Variants in HTR2C observed in about 807,000 individuals in gnomAD.
HTR2C encodes the protein 5-hydroxytryptamine (serotonin) receptor 2C, G protein-coupled.
In HTR2C, 5 loss-of-function variants were observed where a neutral mutation model predicts 21.0. The observed-to-expected ratio is 0.24, with a 90% CI of 0.12 to 0.50. The LOEUF (loss-of-function observed/expected upper bound fraction) is 0.50. Among genes scored for constraint, HTR2C ranks in the 20% least tolerant of loss-of-function variants. The pLI, the probability that HTR2C is intolerant of heterozygous loss-of-function variation, is 0.98. For synonymous variants in HTR2C, 150 were observed against 145.3 expected, an observed-to-expected ratio of 1.03 and a Z score of -0.23; for missense variants, 271 against 371.2, an observed-to-expected ratio of 0.73 and a Z score of 2.22.
intron 2 of HTR2C, among the ~76,000 whole-genome samples, chrX:114,707,670 A>G (rs782535729): frequency 9.0e-6 from 1 of 110,796 alleles, no homozygotes; most frequent in Non-Finnish European, 1.9e-5. Flanking sequence ...TATAAGAAAT[A>G]ATTTCTCCTT....
At chrX:114,884,061 A>C (rs1012507289) in intron 5 of HTR2C, among the ~76,000 whole-genome samples, 2 of 111,345 alleles carry the variant, frequency 1.8e-5, no homozygotes, top group African/African-American at 6.5e-5. Flanking sequence ...TTCATGTAGC[A>C]TAATGGCCTC....
chrX:114,621,239 A>T (rs1046109492), intron 2 of HTR2C, among the ~76,000 whole-genome samples: 1 of 111,542 alleles, frequency 9.0e-6, no homozygotes, highest in Admixed American at 9.6e-5. Context: ...TGGAGTCACA[A>T]GGTAATGAAT....
intron 4 of HTR2C, among the ~76,000 whole-genome samples, chrX:114,830,802 C>T (rs1371196841): frequency 1.1e-5 from 1 of 91,849 alleles, no homozygotes. Context: ...CCCACTAACT[C>T]ATCATCTAGC....
At chrX:114,612,398 T>C (rs1033282257) in intron 1 of HTR2C, among the ~76,000 whole-genome samples, 9 of 111,738 alleles carry the variant, frequency 8.1e-5, no homozygotes, top group African/African-American at 2.6e-4. Context: ...GGGGAAATTT[T>C]TGATGTTTAA....
intron 1 of HTR2C, among the ~76,000 whole-genome samples, chrX:114,587,148 A>C (rs1288503199): frequency 1.8e-5 from 2 of 111,747 alleles, no homozygotes; most frequent in Admixed American, 9.5e-5. Flanking sequence ...TTTGGGGGAG[A>C]GATTATAGTA....
chrX:114,606,898 G>A (rs1928470616), intron 1 of HTR2C, among the ~76,000 whole-genome samples: 1 of 110,193 alleles, frequency 9.1e-6, no homozygotes, highest in Non-Finnish European at 1.9e-5. Context: ...GAGAGTCAGT[G>A]AAGGGAGATG....
chrX:114,857,926 A>G (rs2070976086), intron 5 of HTR2C, among the ~76,000 whole-genome samples: 1 of 111,123 alleles, frequency 9.0e-6, no homozygotes, highest in Non-Finnish European at 1.9e-5. Context: ...TCCCTATGTG[A>G]ATATCCAGTT....
intron 5 of HTR2C, among the ~76,000 whole-genome samples, chrX:114,890,788 T>A (rs1205363630): frequency 2.7e-5 from 3 of 112,017 alleles, no homozygotes; most frequent in African/African-American, 9.7e-5. Context: ...TCTTTTAAAT[T>A]CAGCAGACTG....
chrX:114,709,003 A>C (rs1439175293), intron 2 of HTR2C, among the ~76,000 whole-genome samples: 1 of 111,972 alleles, frequency 8.9e-6, no homozygotes, highest in African/African-American at 3.2e-5. Flanking sequence ...TATCAAAGGC[A>C]GTGCTATCTT....
intron 2 of HTR2C, among the ~76,000 whole-genome samples, chrX:114,706,747 A>G (rs900045506): frequency 2.1e-4 from 23 of 110,260 alleles, no homozygotes; most frequent in African/African-American, 6.9e-4. Flanking sequence ...GAATGAAAAA[A>G]GTATGGTCTA....
In HTR2C at chrX:114,724,768, C is replaced by T. The variant is rs182719079; in HGVS notation, c.-79-2090C>T. ...TGTAAAGTATTTTATTTGTCCTTCA[C>T]TTATGAAGCTTAATTTGGCTGGATA... On this transcript the variant is annotated intron_variant, in intron 2 of 5. Coordinates refer to ENST00000276198, the MANE Select transcript of HTR2C (RefSeq NM_000868.4). Among the ~76,000 whole-genome samples, 109 of 100,887 alleles carry T rather than the reference C, an allele frequency of 1.1e-3. 1 individual carries two copies. Among genetic ancestry groups the T allele is most frequent in the African/African-American group, 3.6e-3 (101 of 28,362 alleles). The allele number at this position is 100,887 out of a possible 115,157, so 87.6% of individuals were successfully genotyped here.
intron 4 of HTR2C, among the ~76,000 whole-genome samples, chrX:114,736,699 T>A (rs1375417878): frequency 8.9e-6 from 1 of 111,860 alleles, no homozygotes; most frequent in African/African-American, 3.2e-5. Flanking sequence ...TACACTCTTA[T>A]CGTAGAAAGT....
At chrX:114,587,133 C>T (rs1383971931) in intron 1 of HTR2C, among the ~76,000 whole-genome samples, 1 of 111,686 alleles carries the variant, frequency 9.0e-6, no homozygotes. Flanking sequence ...AAAATTAAAA[C>T]AAAATTTGGG....
intron 2 of HTR2C, among the ~76,000 whole-genome samples, chrX:114,619,669 AT>A (rs201883564): frequency 1.8e-5 from 2 of 109,649 alleles, no homozygotes; most frequent in African/African-American, 3.3e-5. Flanking sequence ...GCTTAAAGGC[AT>A]TTTTTTTTCT....
At chrX:114,849,085 T>C (rs935330148) in intron 5 of HTR2C, among the ~76,000 whole-genome samples, 8 of 112,152 alleles carry the variant, frequency 7.1e-5, no homozygotes, top group African/African-American at 2.3e-4. Context: ...TACATTTAAG[T>C]TTTAAGATTG....
chrX:114,895,988 C>CAA lies in HTR2C; in HGVS notation c.551-10587_551-10586dup, dbSNP rs60421212. Among the ~76,000 whole-genome samples the CAA allele has an allele frequency of 2.7e-3, 236 of 88,066 alleles. 3 individuals are homozygous for CAA. The highest frequency in any genetic ancestry group is 8.8e-3 in the African/African-American group (216 of 24,569). The allele number at this position is 88,066 out of a possible 115,157, so 76.5% of individuals were successfully genotyped here. A position where few individuals can be genotyped will look rare whatever the true frequency, so the allele number is the denominator to read the frequency against. On this transcript the variant is annotated intron_variant, in intron 5 of 5. Transcript: ENST00000276198. ...TGGGCAACAGAGTGAGACTCTGTCTCAAAAAAAAAAAAAAATCCTCTAAAT... is the reference window on the plus strand; with the variant it reads ...TGGGCAACAGAGTGAGACTCTGTCTCAAAAAAAAAAAAAAAAATCCTCTAAAT...
intron 2 of HTR2C, among the ~76,000 whole-genome samples, chrX:114,693,268 G>A (rs1197191566): frequency 1.8e-5 from 2 of 111,205 alleles, no homozygotes; most frequent in Non-Finnish European, 3.8e-5. Context: ...AAGGATAAGG[G>A]AAGTATGGAG....
At chrX:114,865,327 G>T (rs782530920) in intron 5 of HTR2C, among the ~76,000 whole-genome samples, 1 of 111,561 alleles carries the variant, frequency 9.0e-6, no homozygotes, top group African/African-American at 3.2e-5. Context: ...TCCAGTTGTT[G>T]GATGTTATAG....
intron 2 of HTR2C, among the ~76,000 whole-genome samples, chrX:114,661,834 C>T (rs1292776391): frequency 1.8e-5 from 2 of 111,768 alleles, no homozygotes; most frequent in Non-Finnish European, 3.8e-5. Context: ...TGAAAACACA[C>T]ATAACAAGCA....
Sources: gnomAD v4.1 joint callset for allele counts (sites outside exome capture counted in the v4.1 genomes callset) on GRCh38, gnomAD v4.1.1 for gene constraint, MANE v1.5 for transcripts, NCBI Gene and HGNC (gene_info 2026-07-23, HGNC 2026-07-21) for gene names.